Variants in POLR2F observed in about 807,000 individuals in gnomAD.
POLR2F encodes DNA-directed RNA polymerases I, II, and III subunit RPABC2.
A neutral mutation model predicts 22.7 loss-of-function variants in POLR2F; 12 were observed. The ratio of observed to expected loss-of-function variants is 0.53; its 90% confidence interval spans 0.34 to 0.86. The LOEUF (loss-of-function observed/expected upper bound fraction) is 0.86. Ranked by LOEUF, POLR2F falls within the 40% of genes least tolerant of loss-of-function variation. The pLI is 0.02. For missense variants in POLR2F, 126 were observed against 171.5 expected (o/e 0.73, Z 1.48); for synonymous variants, 57 against 66.0 (o/e 0.86, Z 0.66).
At chr22:37,993,542 G>A (rs151025478) in intron 1 of POLR2F, among the ~76,000 whole-genome samples, 73 of 152,324 alleles carry the variant, frequency 4.8e-4, no homozygotes, top group Non-Finnish European at 8.8e-4. Flanking sequence ...GAAAATGGGA[G>A]CCGAGTGATG....
downstream of POLR2F, chr22:37,973,582 G>A: frequency 6.2e-7 from 1 of 1,613,112 alleles, no homozygotes. Flanking sequence ...GGTCAGAGAT[G>A]GCCGTGTAGA....
At chr22:38,009,429 C>T (rs2145808022) in intron 1 of POLR2F, among the ~76,000 whole-genome samples, 1 of 152,288 alleles carries the variant, frequency 6.6e-6, no homozygotes, top group South Asian at 2.1e-4. Context: ...GCCTGGCAGG[C>T]CACAGTGGCA....
At chr22:38,039,501 TC>T (rs1478242466) in intron 5 of POLR2F, among the ~76,000 whole-genome samples, 1 of 152,018 alleles carries the variant, frequency 6.6e-6, no homozygotes. Context: ...GATCCTCTCT[TC>T]CCAGGGCAGC....
chr22:38,006,550 T>A (rs1226901735), intron 1 of POLR2F, among the ~76,000 whole-genome samples: 1 of 152,232 alleles, frequency 6.6e-6, no homozygotes, highest in African/African-American at 2.4e-5. Context: ...CTCTTGGAGC[T>A]GATACCTGCT....
rs1165163040 is a variant in POLR2F, at chr22:37,978,518, C to T, written c.293+11348C>T. Among the ~76,000 whole-genome samples the T allele has an allele frequency of 6.6e-6, 1 of 152,196 alleles. No homozygotes were observed. The highest frequency in any genetic ancestry group is 1.5e-5 in the Non-Finnish European group (1 of 68,038). On this transcript the variant is annotated intron_variant, in intron 4 of 4. Transcript: ENST00000405557. The surrounding 1 kb of genome is among the most constrained non-coding windows in gnomAD (Gnocchi z 5.0). ...TGTCTGCAAGTGGAATTGGCTACTT[C>T]AGTGGGGGTGAGCTCCCTGGGACTG... is the stretch of plus-strand genomic sequence containing the variant.
chr22:38,035,892 G>A (rs1317383290), intron 5 of POLR2F, among the ~76,000 whole-genome samples: 2 of 152,108 alleles, frequency 1.3e-5, no homozygotes, highest in African/African-American at 4.8e-5. Context: ...TCCAGGGTGG[G>A]TGTGGTTTTA....
Position 37,959,481 on chromosome 22 carries a change from G to A in POLR2F, c.221+5G>A. The A allele has an allele frequency of 6.2e-7, 1 of 1,613,468 alleles. No individual in the cohort carries two copies. The highest frequency in any genetic ancestry group is 8.5e-7 in the Non-Finnish European group (1 of 1,179,866). Reference sequence around the variant, plus strand: ...CACCCGAGCGCTCCAGATTGCGTGAGTGATTGCCCCTTCACTGTCTTCTCC... The same window carrying A: ...CACCCGAGCGCTCCAGATTGCGTGAATGATTGCCCCTTCACTGTCTTCTCC... On this transcript the variant is annotated splice_donor_5th_base_variant and intron_variant, in intron 3 of 4. Transcript: ENST00000442738.
intron 1 of POLR2F, among the ~76,000 whole-genome samples, chr22:38,004,903 C>T (rs2084806904): frequency 6.6e-6 from 1 of 152,136 alleles, no homozygotes; most frequent in South Asian, 2.1e-4. Context: ...GAAATTGGGC[C>T]ATTGCACTCT....
chr22:37,992,763 C>T (rs1306739619), intron 1 of POLR2F, among the ~76,000 whole-genome samples: 1 of 152,194 alleles, frequency 6.6e-6, no homozygotes, highest in Non-Finnish European at 1.5e-5. Flanking sequence ...CAGATGTTCC[C>T]CGTCTGCTCC....
intron 5 of POLR2F, chr22:38,040,897 C>CA: frequency 1.0e-6 from 1 of 990,490 alleles, no homozygotes; most frequent in Non-Finnish European, 1.5e-6. Context: ...CCAAGGGGAA[C>CA]ATGGGGGCAA....
intron 1 of POLR2F, among the ~76,000 whole-genome samples, chr22:37,995,350 G>C (rs2084703300): frequency 6.6e-6 from 1 of 152,128 alleles, no homozygotes; most frequent in Admixed American, 6.5e-5. Context: ...TCTGTCTCCT[G>C]GGTCTGTCAT....
At position 37,969,298 on chromosome 22, in the gene POLR2F, ATG is replaced by A; in HGVS notation, c.*1585_*1586del. ...TGGCTTTTGACTTCTCTTGAATAAA[ATG>A]TCCCGGTCACCACTATTGGTTCTGT... On this transcript the variant is annotated 3_prime_UTR_variant, in exon 5 of 5. Transcript: ENST00000442738. 1 of 985,426 alleles carries A rather than the reference ATG, an allele frequency of 1.0e-6. No individual in the cohort carries two copies. Among genetic ancestry groups the A allele is most frequent in the Non-Finnish European group, 1.2e-6 (1 of 829,934 alleles). The allele number at this position is 985,426 out of a possible 1,614,324, so 61.0% of individuals were successfully genotyped here. A position where few individuals can be genotyped will look rare whatever the true frequency, so the allele number is the denominator to read the frequency against.
At chr22:38,037,540 G>T (rs1406850386) in intron 5 of POLR2F, among the ~76,000 whole-genome samples, 2 of 149,756 alleles carry the variant, frequency 1.3e-5, no homozygotes, top group South Asian at 4.2e-4. Context: ...CTCCCAAAGT[G>T]CTGGGAATGC....
chr22:37,992,575 A>T (rs1232743265), intron 1 of POLR2F, among the ~76,000 whole-genome samples: 2 of 152,028 alleles, frequency 1.3e-5, no homozygotes, highest in Non-Finnish European at 2.9e-5. Context: ...TTATACTTTC[A>T]GTAGAGACGG....
chr22:38,007,455 G>A (rs1253097916), intron 1 of POLR2F, among the ~76,000 whole-genome samples: 1 of 152,244 alleles, frequency 6.6e-6, no homozygotes. Flanking sequence ...TGTGAGGGAT[G>A]TGGCTAAGGT....
chr22:37,978,687 T>C lies in POLR2F; in HGVS notation c.293+11517T>C, dbSNP rs1396147871. The stretch of plus-strand genomic sequence containing the variant: ...GATGATAACATTGGCTTAACTTGGG[T>C]GTGGGATTGGCCAGAATAATGGATG... On this transcript the variant is annotated intron_variant, in intron 4 of 4. Coordinates refer to the POLR2F transcript ENST00000405557. The surrounding 1 kb of genome is among the most constrained non-coding windows in gnomAD (Gnocchi z 5.0). 1.3e-5 allele frequency among the ~76,000 whole-genome samples: 2 copies of C among 152,150 alleles called. No individual in the cohort carries two copies. The highest frequency in any genetic ancestry group is 3.8e-4 in the East Asian group (2 of 5,204).
intron 4 of POLR2F, chr22:37,977,853 T>G: frequency 6.2e-7 from 1 of 1,602,458 alleles, no homozygotes; most frequent in Non-Finnish European, 8.5e-7. Flanking sequence ...CTCAGCTCTG[T>G]CATCAGCACT....
chr22:37,965,923 G>C (rs1323389092), intron 3 of POLR2F, among the ~76,000 whole-genome samples: 1 of 152,186 alleles, frequency 6.6e-6, no homozygotes, highest in Non-Finnish European at 1.5e-5. Context: ...TGGCTTCCTA[G>C]AGGAGATGGG....
At chr22:37,976,823 T>C (rs1485866169) in intron 4 of POLR2F, among the ~76,000 whole-genome samples, 1 of 152,128 alleles carries the variant, frequency 6.6e-6, no homozygotes, top group Non-Finnish European at 1.5e-5. Flanking sequence ...GCTGTTATTA[T>C]CATTAATGAA....
Sources: gnomAD v4.1 joint callset for allele counts (sites outside exome capture counted in the v4.1 genomes callset) on GRCh38, gnomAD v4.1.1 for gene constraint, Gnocchi (gnomAD v3.1) non-coding constraint, MANE v1.5 for transcripts, NCBI Gene and HGNC (gene_info 2026-07-23, HGNC 2026-07-21) for gene names.